BRWD1: variants seen among roughly 807,000 people sequenced by gnomAD.
The protein encoded by BRWD1 is bromodomain and WD repeat-containing protein 1.
BRWD1 carries 82 observed loss-of-function variants against 251.2 expected under a neutral mutation model. The observed-to-expected ratio is 0.33, with a 90% CI of 0.27 to 0.39. BRWD1 has a LOEUF of 0.39. Among genes scored for constraint, BRWD1 ranks in the 10% least tolerant of loss-of-function variants. BRWD1 has a pLI of 1.00. For synonymous variants in BRWD1, 918 were observed against 902.8 expected (o/e 1.02, Z -0.30); for missense variants, 2,233 against 2,711.6 (o/e 0.82, Z 3.92).
chr21:39,196,246 C>T lies in BRWD1; in HGVS notation c.*13G>A, dbSNP rs1475442159. 2 of 1,548,584 alleles carry T rather than the reference C, an allele frequency of 1.3e-6. No homozygotes were observed. The highest frequency in any genetic ancestry group is 4.1e-5 in the Admixed American group (2 of 48,742). ...GTCCATTTCCTCTTAAATGAACTGG[C>T]TTTCCCTCAAGGTCATAAGGTGCAA... On this transcript the variant is annotated 3_prime_UTR_variant, in exon 41 of 41. Coordinates refer to ENST00000342449, the MANE Select transcript of BRWD1 (RefSeq NM_033656.4).
intron 40 of BRWD1, among the ~76,000 whole-genome samples, chr21:39,198,198 A>G (rs1354722872): frequency 2.0e-5 from 3 of 152,190 alleles, no homozygotes; most frequent in Admixed American, 6.5e-5. Context: ...TCTTAATTCA[A>G]CAAGTTATTT....
intron 4 of BRWD1, among the ~76,000 whole-genome samples, chr21:39,311,605 TAA>T (rs1352339697): frequency 1.3e-5 from 2 of 152,218 alleles, no homozygotes; most frequent in Admixed American, 1.3e-4. Flanking sequence ...TGAAGAAAAC[TAA>T]AAGAGGGCAT....
rs1190827273 is a variant in BRWD1, at chr21:39,238,550, T to C, written c.2505A>G (p.Glu835=). 4 of 1,613,444 alleles carry C rather than the reference T, an allele frequency of 2.5e-6. No homozygotes were observed. Among genetic ancestry groups the C allele is most frequent in the Non-Finnish European group, 3.4e-6 (4 of 1,179,640 alleles). The change falls in exon 22 of 41, where the codon GAA becomes GAG. Residue 835 remains glutamate (E), a synonymous_variant. Transcript: ENST00000342449. ...CATCCTCTTCTGAAGAACCAGAACCTTCACTCTGATCACAGGAAGTCTCCT... is the reference window on the plus strand; with the variant it reads ...CATCCTCTTCTGAAGAACCAGAACCCTCACTCTGATCACAGGAAGTCTCCT... ...VRHETSCDQS[E]GSGSSEEDEW...
intron 23 of BRWD1, chr21:39,235,671 A>G (rs1308676520): frequency 9.3e-6 from 2 of 215,314 alleles, no homozygotes; most frequent in Non-Finnish European, 2.0e-5. Context: ...CTCCTTAACA[A>G]AAGCTCTGGG....
intron 4 of BRWD1, among the ~76,000 whole-genome samples, chr21:39,303,520 A>C (rs1367100650): frequency 7.2e-4 from 2 of 2,792 alleles, no homozygotes; most frequent in Admixed American, 4.2e-3. Context: ...CTCCATCTCC[A>C]AAAAAAAAAA....
At chr21:39,304,492 T>C (rs540086427) in intron 4 of BRWD1, among the ~76,000 whole-genome samples, 1 of 151,952 alleles carries the variant, frequency 6.6e-6, no homozygotes, top group African/African-American at 2.4e-5. Context: ...CATACACGTA[T>C]AGACTCAGCT....
intron 4 of BRWD1, among the ~76,000 whole-genome samples, chr21:39,308,473 C>A (rs1243727179): frequency 1.3e-4 from 14 of 105,702 alleles, no homozygotes; most frequent in Non-Finnish European, 3.9e-5. Context: ...CAGAATGACA[C>A]CTTGTCTCAA....
chr21:39,209,789 A>G (rs886989609), intron 36 of BRWD1: 2 of 430,336 alleles, frequency 4.6e-6, no homozygotes, highest in Admixed American at 7.7e-5. Context: ...TATGATAAAC[A>G]TCAACTGATG....
Position 39,187,662 on chromosome 21 carries a change from T to A in BRWD1, c.*8597A>T, listed in dbSNP as rs904246924. 24 of 985,214 alleles carry A rather than the reference T, an allele frequency of 2.4e-5. 1 individual carries two copies. The South Asian group carries it at 1.1e-3, about 44-fold the overall frequency. 61.0% of individuals were successfully genotyped at this position (985,214 alleles called of 1,614,324 possible). A position where few individuals can be genotyped will look rare whatever the true frequency, so the allele number is the denominator to read the frequency against. On this transcript the variant is annotated 3_prime_UTR_variant, in exon 41 of 41. Transcript: ENST00000342449. ...AGACTTGTAAGAATGGGGTGAAAAG[T>A]TCCTTCAGCATCGGCATCATAAAGC...
At chr21:39,307,198 T>C (rs2036314749) in intron 4 of BRWD1, among the ~76,000 whole-genome samples, 2 of 152,206 alleles carry the variant, frequency 1.3e-5, no homozygotes, top group Admixed American at 1.3e-4. Context: ...CACTTACACA[T>C]TTAATCAAAT....
chr21:39,259,963 T>C (rs1258180126), intron 17 of BRWD1, among the ~76,000 whole-genome samples: 3 of 152,196 alleles, frequency 2.0e-5, no homozygotes, highest in Non-Finnish European at 4.4e-5. Flanking sequence ...TATAGTATTA[T>C]GGGATGGGCA....
At chr21:39,279,122 A>G (rs1307775719) in intron 9 of BRWD1, among the ~76,000 whole-genome samples, 2 of 152,222 alleles carry the variant, frequency 1.3e-5, no homozygotes, top group African/African-American at 4.8e-5. Context: ...CAAATTAATC[A>G]TATTTCCTTT....
Position 39,202,373 on chromosome 21 carries a change from CTGA to C in BRWD1, c.4534_4536del (p.Ser1512del). On this transcript the variant is annotated inframe_deletion, in exon 38 of 41. Coordinates refer to ENST00000342449, the MANE Select transcript of BRWD1 (RefSeq NM_033656.4). ...ATAGGTCTATTTCTTTTCCTCCTTT[CTGA>C]TGATTCTGCTGAATCTGAAGAGTCA... 1 of 1,613,824 alleles carries C rather than the reference CTGA, an allele frequency of 6.2e-7. No individual in the cohort carries two copies. Among genetic ancestry groups the C allele is most frequent in the Non-Finnish European group, 8.5e-7 (1 of 1,179,770 alleles).
At chr21:39,281,396 T>C (rs951529906) in intron 8 of BRWD1, among the ~76,000 whole-genome samples, 9 of 152,164 alleles carry the variant, frequency 5.9e-5, no homozygotes, top group African/African-American at 1.9e-4. Flanking sequence ...GAGAGGAGCA[T>C]CAAAACTTGC....
At position 39,189,559 on chromosome 21, in the gene BRWD1, G is replaced by A. The variant is rs28552370; in HGVS notation, c.*6700C>T. 0.12 allele frequency: 121,993 copies of A among 982,404 alleles called. 7,971 individuals carry two copies. Among genetic ancestry groups the A allele is most frequent in the East Asian group, 0.14 (1,257 of 8,788 alleles). 60.9% of individuals were successfully genotyped at this position (982,404 alleles called of 1,614,324 possible). On this transcript the variant is annotated 3_prime_UTR_variant, in exon 41 of 41. Coordinates refer to ENST00000342449, the MANE Select transcript of BRWD1 (RefSeq NM_033656.4). ...CTTCAGTAACTATGCCCAAGGGAGG[G>A]AGAATTTGAATTACACTGTACTCTA...
chr21:39,206,956 C>T (rs74645596), intron 36 of BRWD1, among the ~76,000 whole-genome samples: 1 of 152,078 alleles, frequency 6.6e-6, no homozygotes, highest in Non-Finnish European at 1.5e-5. Context: ...AAATATAATT[C>T]TTGTGCATGG....
At chr21:39,314,069 C>G (rs1398972235), upstream of BRWD1, 27 of 455,984 alleles carry the variant, frequency 5.9e-5, no homozygotes, top group East Asian at 1.9e-3. Context: ...CGCTCCGGGT[C>G]GCTCGGAAGG....
At position 39,274,268 on chromosome 21, in the gene BRWD1, C is replaced by A. The variant is rs146069786; in HGVS notation, c.1244+106G>T. 1.8e-4 allele frequency: 153 copies of A among 852,432 alleles called. No homozygotes were observed. The African/African-American group carries it at 2.5e-3, about 14-fold the overall frequency. The allele number at this position is 852,432 out of a possible 1,614,324, so 52.8% of individuals were successfully genotyped here. Reference sequence around the variant, plus strand: ...CTTCGTAATAGAAGGTAGCTATAATCCCCTCAACAAAATAACCACTGAGAG... The same window carrying A: ...CTTCGTAATAGAAGGTAGCTATAATACCCTCAACAAAATAACCACTGAGAG... On this transcript the variant is annotated intron_variant, in intron 13 of 40. Transcript: ENST00000342449.
At chr21:39,280,305 T>A in intron 8 of BRWD1, 57 bp from the exon 9 acceptor site, 4 of 1,360,178 alleles carry the variant, frequency 2.9e-6, no homozygotes, top group East Asian at 2.4e-5. Context: ...AGTTACAGTT[T>A]AATAGTCTTG....
Sources: allele counts gnomAD v4.1 joint callset (sites outside exome capture counted in the v4.1 genomes callset), GRCh38; gene constraint gnomAD v4.1.1; transcripts MANE v1.5; gene names NCBI Gene and HGNC (gene_info 2026-07-23, HGNC 2026-07-21).